RGS7: variants seen among roughly 807,000 people sequenced by gnomAD.
RGS7 encodes regulator of G-protein signaling 7.
In RGS7, 27 loss-of-function variants were observed where a neutral mutation model predicts 81.1. The observed-to-expected ratio is 0.33, with a 90% CI of 0.25 to 0.46. The LOEUF is 0.46. Ranked by LOEUF, RGS7 falls within the 20% of genes least tolerant of loss-of-function variation. RGS7 has a pLI of 1.00. For synonymous variants in RGS7, 208 were observed against 207.7 expected (o/e 1.00, Z -0.01); for missense variants, 396 against 607.4 (o/e 0.65, Z 3.66).
intron 2 of RGS7, among the ~76,000 whole-genome samples, chr1:241,158,416 C>T (rs1320328427): frequency 6.6e-6 from 1 of 152,210 alleles, no homozygotes; most frequent in Non-Finnish European, 1.5e-5. Context: ...TCATAAAACA[C>T]TAAACACCTT....
intron 2 of RGS7, among the ~76,000 whole-genome samples, chr1:241,166,980 C>T (rs940890230): frequency 6.6e-5 from 10 of 152,166 alleles, no homozygotes; most frequent in African/African-American, 2.2e-4. Context: ...TACTTTCTGG[C>T]CTGTGTTTCC....
chr1:240,853,896 G>A (rs1660590867), intron 9 of RGS7, among the ~76,000 whole-genome samples: 1 of 48,708 alleles, frequency 2.1e-5, no homozygotes. Context: ...GCAAGACTCC[G>A]TCTCAAAAAA....
intron 2 of RGS7, among the ~76,000 whole-genome samples, chr1:241,259,590 C>T (rs1036243956): frequency 4.3e-5 from 6 of 140,892 alleles, no homozygotes; most frequent in Non-Finnish European, 6.0e-5. Context: ...ATGGAGATTG[C>T]GGTGAGCTGA....
chr1:240,837,160 A>G (rs1165526777), intron 9 of RGS7, among the ~76,000 whole-genome samples: 1 of 152,232 alleles, frequency 6.6e-6, no homozygotes, highest in African/African-American at 2.4e-5. Flanking sequence ...AAATTTAAAA[A>G]ATCACTGGGC....
chr1:240,899,290 G>A (rs1669589748), intron 6 of RGS7, among the ~76,000 whole-genome samples: 1 of 152,050 alleles, frequency 6.6e-6, no homozygotes, highest in Non-Finnish European at 1.5e-5. Flanking sequence ...TTACATTTAA[G>A]GTTAATATTG....
chr1:241,309,379 T>A (rs1573612144), intron 2 of RGS7, among the ~76,000 whole-genome samples: 1 of 54,290 alleles, frequency 1.8e-5, no homozygotes, highest in African/African-American at 7.5e-5. Context: ...AGAGCGAAAC[T>A]CCAACTCAAA....
At chr1:241,016,394 T>G (rs1046355592) in intron 3 of RGS7, among the ~76,000 whole-genome samples, 1 of 152,048 alleles carries the variant, frequency 6.6e-6, no homozygotes, top group African/African-American at 2.4e-5. Context: ...GGCATGCACC[T>G]GTAGTCTCAG....
At chr1:241,129,413 C>A (rs1442667131) in intron 2 of RGS7, among the ~76,000 whole-genome samples, 1 of 151,500 alleles carries the variant, frequency 6.6e-6, no homozygotes, top group Non-Finnish European at 1.5e-5. Flanking sequence ...ACTCTACATT[C>A]ATCAGCATGG....
intron 3 of RGS7, among the ~76,000 whole-genome samples, chr1:241,038,355 A>G (rs2060437511): frequency 6.6e-6 from 1 of 152,212 alleles, no homozygotes; most frequent in Non-Finnish European, 1.5e-5. Context: ...GTTGAAAGAA[A>G]TGATTCAGCC....
At chr1:241,289,308 C>T (rs756938922) in intron 2 of RGS7, among the ~76,000 whole-genome samples, 1 of 152,194 alleles carries the variant, frequency 6.6e-6, no homozygotes, top group Non-Finnish European at 1.5e-5. Flanking sequence ...CCCTGCAGAC[C>T]TGCTTTATCT....
chr1:241,161,602 A>G (rs2069678089), intron 2 of RGS7, among the ~76,000 whole-genome samples: 1 of 150,434 alleles, frequency 6.6e-6, no homozygotes, highest in Non-Finnish European at 1.5e-5. Flanking sequence ...TATTAATAAT[A>G]ATAACTAATA....
chr1:241,326,103 G>A (rs1246000842), intron 2 of RGS7, among the ~76,000 whole-genome samples: 2 of 152,066 alleles, frequency 1.3e-5, no homozygotes, highest in African/African-American at 4.8e-5. Context: ...ACTTTCCAAA[G>A]CACTCACATT....
chr1:241,233,963 C>A (rs1449828239), intron 2 of RGS7, among the ~76,000 whole-genome samples: 1 of 152,094 alleles, frequency 6.6e-6, no homozygotes, highest in African/African-American at 2.4e-5. Context: ...TTATATCTCA[C>A]TTTGGCTTTG....
At chr1:241,076,437 A>G (rs372158272) in intron 3 of RGS7, among the ~76,000 whole-genome samples, 3 of 152,314 alleles carry the variant, frequency 2.0e-5, no homozygotes, top group African/African-American at 7.2e-5. Flanking sequence ...TGGCTATGAT[A>G]AATACTTGTG....
chr1:241,192,257 GT>G (rs1558174476), intron 2 of RGS7, among the ~76,000 whole-genome samples: 16 of 53,050 alleles, frequency 3.0e-4, no homozygotes, highest in Non-Finnish European at 7.6e-4. Flanking sequence ...CTGCACGTGT[GT>G]GTGTGTGTGT....
At chr1:241,192,168 G>A (rs1347953149) in intron 2 of RGS7, among the ~76,000 whole-genome samples, 4 of 107,054 alleles carry the variant, frequency 3.7e-5, no homozygotes, top group East Asian at 5.3e-4. Context: ...AGGTGTGTGT[G>A]TGTGTGTGTG....
At chr1:241,099,421 T>G (rs1476240684) in intron 2 of RGS7, among the ~76,000 whole-genome samples, 1 of 152,044 alleles carries the variant, frequency 6.6e-6, no homozygotes, top group Non-Finnish European at 1.5e-5. Flanking sequence ...TACACGTGCA[T>G]GTACACACAC....
At chr1:241,349,942 G>A (rs928263585) in intron 2 of RGS7, among the ~76,000 whole-genome samples, 7 of 152,140 alleles carry the variant, frequency 4.6e-5, no homozygotes, top group Non-Finnish European at 7.3e-5. Context: ...TAGAACCACA[G>A]AGGCTATTAG....
chr1:241,347,212 A>C (rs570895334), intron 2 of RGS7, among the ~76,000 whole-genome samples: 1 of 152,292 alleles, frequency 6.6e-6, no homozygotes, highest in East Asian at 1.9e-4. Context: ...AATGATCTAC[A>C]GCCTTGGGGA....
Sources: allele counts gnomAD v4.1 joint callset (sites outside exome capture counted in the v4.1 genomes callset), GRCh38; gene constraint gnomAD v4.1.1; transcripts MANE v1.5; gene names NCBI Gene and HGNC (gene_info 2026-07-23, HGNC 2026-07-21).